The following FRMD4A variants were observed in gnomAD, a reference collection of about 807,000 sequenced individuals.
The protein encoded by FRMD4A is FERM domain-containing protein 4A.
Under a neutral mutation model 129.1 loss-of-function variants are expected in FRMD4A, and 29 were observed. The ratio of observed to expected loss-of-function variants is 0.22; its 90% CI spans 0.17 to 0.31. The LOEUF (loss-of-function observed/expected upper bound fraction) is 0.31. Among genes scored for constraint, FRMD4A ranks in the 10% least tolerant of loss-of-function variants. The probability of loss-of-function intolerance (pLI) is 1.00; values close to 1 mark genes in which losing one functional copy is unlikely to be tolerated. For synonymous variants in FRMD4A, 634 were observed against 571.6 expected (o/e 1.11, Z -1.56); for missense variants, 1,272 against 1,375.8 (o/e 0.92, Z 1.19).
intron 2 of FRMD4A, among the ~76,000 whole-genome samples, chr10:13,928,006 C>G (rs962625748): frequency 7.5e-6 from 1 of 132,658 alleles, no homozygotes; most frequent in African/African-American, 2.8e-5. Flanking sequence ...GATAGTTATA[C>G]TTAACATACC....
rs55763234 is a variant in FRMD4A at position 14,261,941 on chromosome 10, AACACACACACACAC to A, written c.45+68103_45+68116del. ...TGTGACTCCATTTCTCACCACACCA[AACACACACACACAC>A]ACACACACACACACACACACACACA... is the stretch of plus-strand genomic sequence containing the variant. On this transcript the variant is annotated intron_variant, in intron 2 of 24. Transcript: ENST00000357447. Among the ~76,000 whole-genome samples, 911 of 128,316 alleles carry A rather than the reference AACACACACACACAC, an allele frequency of 7.1e-3. 8 individuals carry two copies. Among genetic ancestry groups the A allele is most frequent in the Admixed American group, 0.019 (242 of 12,592 alleles). The allele number at this position is 128,316 out of a possible 152,430, so 84.2% of individuals were successfully genotyped here. A position where few individuals can be genotyped will look rare whatever the true frequency, so the allele number is the denominator to read the frequency against.
intron 2 of FRMD4A, among the ~76,000 whole-genome samples, chr10:14,329,768 G>A (rs1843438325): frequency 6.6e-6 from 1 of 152,110 alleles, no homozygotes; most frequent in Admixed American, 6.5e-5. Flanking sequence ...GCTGGAGGAG[G>A]CATCCTAGCA....
intron 2 of FRMD4A, among the ~76,000 whole-genome samples, chr10:14,315,144 G>T (rs1432878981): frequency 2.6e-5 from 4 of 151,460 alleles, no homozygotes; most frequent in African/African-American, 7.3e-5. Context: ...CCCTTTCAAT[G>T]CCTCATCCAT....
chr10:14,238,502 TTTTTA>T (rs1223590998), intron 2 of FRMD4A, among the ~76,000 whole-genome samples: 4 of 152,154 alleles, frequency 2.6e-5, no homozygotes, highest in African/African-American at 9.7e-5. Flanking sequence ...CAAGAAGCAT[TTTTTA>T]TTTTATTATT....
chr10:13,848,023 CT>C (rs1329454998), intron 3 of FRMD4A, among the ~76,000 whole-genome samples: 2 of 152,180 alleles, frequency 1.3e-5, no homozygotes, highest in African/African-American at 2.4e-5. Context: ...ACGTGTGTGC[CT>C]TTCCCCTGTA....
chr10:13,954,665 C>T (rs948435792), intron 2 of FRMD4A, among the ~76,000 whole-genome samples: 3 of 152,178 alleles, frequency 2.0e-5, no homozygotes, highest in Non-Finnish European at 4.4e-5. Context: ...CCTGGTGTCA[C>T]CATCCATGCA....
chr10:13,724,070 T>G lies in FRMD4A; in HGVS notation c.759+13774A>C, dbSNP rs78491469. Among the ~76,000 whole-genome samples, 95 of 152,312 alleles carry G rather than the reference T, an allele frequency of 6.2e-4. 1 individual carries two copies. The East Asian group carries it at 0.012, about 20-fold the overall frequency. ...TTTATTGAGAGATAAAGGAAGAGCA[T>G]GTTCAAAGGAACAGTGGGAGATAAA... On this transcript the variant is annotated intron_variant, in intron 12 of 24. Transcript: ENST00000357447.
In FRMD4A at chr10:13,683,606, A is replaced by C. The variant is rs373931686; in HGVS notation, c.1118-8562T>G. 2.6e-5 allele frequency among the ~76,000 whole-genome samples: 4 copies of C among 151,886 alleles called. No homozygotes were observed. The South Asian group carries it at 6.2e-4, about 24-fold the overall frequency. On this transcript the variant is annotated intron_variant, in intron 15 of 24. Coordinates refer to ENST00000357447, the MANE Select transcript of FRMD4A (RefSeq NM_018027.5). ...AGTGAGACCCTGTCTCTAAACAGAC[A>C]AAAAAAAGAATGAGACAGGTAGTAG...
At chr10:13,921,163 G>A (rs1220655238) in intron 2 of FRMD4A, among the ~76,000 whole-genome samples, 1 of 152,010 alleles carries the variant, frequency 6.6e-6, no homozygotes, top group East Asian at 1.9e-4. Flanking sequence ...GTGCTTACAT[G>A]GTAGAAAGGA....
intron 3 of FRMD4A, among the ~76,000 whole-genome samples, chr10:13,856,694 G>A (rs964288634): frequency 6.6e-6 from 1 of 152,098 alleles, no homozygotes; most frequent in African/African-American, 2.4e-5. Context: ...TAAAGCAGTG[G>A]AAAGAACATG....
chr10:13,697,152 A>ATTTTTT (rs11309575), intron 14 of FRMD4A, among the ~76,000 whole-genome samples: 2 of 136,558 alleles, frequency 1.5e-5, no homozygotes, highest in Non-Finnish European at 3.1e-5. Flanking sequence ...AAACTACTGG[A>ATTTTTT]TTTTTTTTTT....
chr10:13,684,172 T>C lies in FRMD4A; in HGVS notation c.1118-9128A>G, dbSNP rs543844991. 5.6e-5 allele frequency: 12 copies of C among 214,150 alleles called. No homozygotes were observed. The Admixed American group carries it at 7.2e-4, about 13-fold the overall frequency. 13.3% of individuals were successfully genotyped at this position (214,150 alleles called of 1,614,324 possible). On this transcript the variant is annotated intron_variant, in intron 15 of 24. Transcript: ENST00000357447. The stretch of plus-strand genomic sequence containing the variant: ...ATACTAAAGATAGAATCTGTTGTTT[T>C]TGGCGACCTTATGAGCACATTTCAA...
At chr10:14,097,621 A>G (rs1163527632) in intron 2 of FRMD4A, among the ~76,000 whole-genome samples, 4 of 152,010 alleles carry the variant, frequency 2.6e-5, no homozygotes, top group African/African-American at 4.8e-5. Flanking sequence ...TAATTATTAT[A>G]CTTATAGATA....
chr10:13,882,585 A>G (rs2094559507), intron 2 of FRMD4A, among the ~76,000 whole-genome samples: 1 of 152,184 alleles, frequency 6.6e-6, no homozygotes, highest in Non-Finnish European at 1.5e-5. Flanking sequence ...ACCCAGAATC[A>G]GCCATTTCAA....
At chr10:13,993,793 A>G (rs975790459) in intron 2 of FRMD4A, among the ~76,000 whole-genome samples, 10 of 152,020 alleles carry the variant, frequency 6.6e-5, no homozygotes, top group East Asian at 1.9e-4. Context: ...CGTGTATTCA[A>G]TGTATTCAAA....
intron 2 of FRMD4A, among the ~76,000 whole-genome samples, chr10:14,181,696 AT>A (rs1168705576): frequency 2.0e-5 from 3 of 151,974 alleles, no homozygotes; most frequent in African/African-American, 7.3e-5. Context: ...ATTACCATGA[AT>A]TTTTTTTATT....
chr10:13,910,756 A>G (rs2094931990), intron 2 of FRMD4A, among the ~76,000 whole-genome samples: 1 of 152,216 alleles, frequency 6.6e-6, no homozygotes, highest in Non-Finnish European at 1.5e-5. Flanking sequence ...ACTGGAACCA[A>G]TAAACAATTA....
chr10:13,697,865 A>G (rs1485678780), intron 14 of FRMD4A, among the ~76,000 whole-genome samples: 1 of 152,184 alleles, frequency 6.6e-6, no homozygotes, highest in Admixed American at 6.5e-5. Flanking sequence ...ATTTTCCTGC[A>G]AAGTCTCTAA....
intron 2 of FRMD4A, among the ~76,000 whole-genome samples, chr10:14,076,185 C>T (rs1262226419): frequency 6.6e-6 from 1 of 152,190 alleles, no homozygotes; most frequent in African/African-American, 2.4e-5. Flanking sequence ...GTCATGAAGA[C>T]CTGTGCATGG....
Sources: allele counts gnomAD v4.1 joint callset (sites outside exome capture counted in the v4.1 genomes callset), GRCh38; gene constraint gnomAD v4.1.1; transcripts MANE v1.5; gene names NCBI Gene and HGNC (gene_info 2026-07-23, HGNC 2026-07-21).